Variants in AUTS2 observed in about 807,000 individuals in gnomAD.
AUTS2 encodes the protein autism susceptibility gene 2 protein.
Under a neutral mutation model 112.4 loss-of-function variants are expected in AUTS2, and 17 were observed. The ratio of observed to expected loss-of-function variants is 0.15; its 90% confidence interval spans 0.10 to 0.23. AUTS2 has a LOEUF of 0.23. Ranked by LOEUF, AUTS2 falls within the 10% of genes least tolerant of loss-of-function variation. The pLI is 1.00. For missense variants in AUTS2, 1,510 were observed against 1,701.6 expected, an observed-to-expected ratio of 0.89 and a Z score of 1.98; for synonymous variants, 751 against 702.7, an observed-to-expected ratio of 1.07 and a Z score of -1.09.
At chr7:69,915,624 T>C (rs146106466) in intron 2 of AUTS2, among the ~76,000 whole-genome samples, 3 of 152,380 alleles carry the variant, frequency 2.0e-5, no homozygotes, top group African/African-American at 7.2e-5. Context: ...TGGAACTGTT[T>C]ATGATAAATA....
intron 4 of AUTS2, among the ~76,000 whole-genome samples, chr7:70,224,662 G>C (rs1478646100): frequency 6.6e-6 from 1 of 152,054 alleles, no homozygotes; most frequent in Non-Finnish European, 1.5e-5. Flanking sequence ...TAATGTCCTA[G>C]GCCTTCACAT....
chr7:70,596,234 G>A (rs1803200197), intron 5 of AUTS2: 1 of 152,532 alleles, frequency 6.6e-6, no homozygotes, highest in Admixed American at 6.5e-5. Flanking sequence ...GCCGCGGGTA[G>A]ATCGCTCGCG....
In AUTS2 at chr7:69,599,721, A is replaced by G. The variant is rs1792262777; in HGVS notation, c.68A>G (p.Glu23Gly). 1.4e-5 allele frequency: 19 copies of G among 1,325,076 alleles called. No homozygotes were observed. The highest frequency in any genetic ancestry group is 1.8e-5 in the Non-Finnish European group (19 of 1,042,866). The allele number at this position is 1,325,076 out of a possible 1,614,324, so 82.1% of individuals were successfully genotyped here. A position where few individuals can be genotyped will look rare whatever the true frequency, so the allele number is the denominator to read the frequency against. Residue 23 changes from glutamate to glycine, a missense_variant, in exon 1 of 19, where the codon GAG becomes GGG. Coordinates refer to ENST00000342771, the MANE Select transcript of AUTS2 (RefSeq NM_015570.4). The surrounding 1 kb of genome is among the most constrained non-coding windows in gnomAD (Gnocchi z 7.0). ...CGGTCGCGGTCGCAGCGAGACCGGGAGAGGCGCTCCCGGGGCGGGCTGGGG... is the reference window on the plus strand; with the variant it reads ...CGGTCGCGGTCGCAGCGAGACCGGGGGAGGCGCTCCCGGGGCGGGCTGGGG... ...KRRSRSQRDRERRSRGGLGAG... is the reference protein window; with the variant it reads ...KRRSRSQRDRGRRSRGGLGAG...
intron 4 of AUTS2, among the ~76,000 whole-genome samples, chr7:70,221,236 A>G (rs747881472): frequency 6.6e-6 from 1 of 152,188 alleles, no homozygotes; most frequent in Non-Finnish European, 1.5e-5. Context: ...CCTTCTGTCT[A>G]TTCATTAATC....
chr7:69,974,371 T>G (rs1357686962), intron 2 of AUTS2, among the ~76,000 whole-genome samples: 2 of 150,864 alleles, frequency 1.3e-5, no homozygotes, highest in East Asian at 3.9e-4. Flanking sequence ...AGAACAAGTT[T>G]TGTGTTCCAT....
chr7:70,464,351 C>T (rs926251667), intron 5 of AUTS2, among the ~76,000 whole-genome samples: 3 of 152,334 alleles, frequency 2.0e-5, no homozygotes, highest in African/African-American at 4.8e-5. Context: ...CTCAGAGCAA[C>T]GTACAATCAA....
intron 4 of AUTS2, among the ~76,000 whole-genome samples, chr7:70,367,643 A>G: frequency 6.6e-6 from 1 of 152,144 alleles, no homozygotes; most frequent in Non-Finnish European, 1.5e-5. Flanking sequence ...GGGAATGTTC[A>G]CTAATGATGG....
intron 2 of AUTS2, among the ~76,000 whole-genome samples, chr7:69,915,931 C>A (rs1313236076): frequency 6.6e-6 from 1 of 152,176 alleles, no homozygotes; most frequent in Non-Finnish European, 1.5e-5. Flanking sequence ...GGTGCCCAGG[C>A]TGGTCTCGAG....
intron 4 of AUTS2, among the ~76,000 whole-genome samples, chr7:70,310,367 T>C (rs1364115078): frequency 6.6e-6 from 1 of 151,990 alleles, no homozygotes; most frequent in Non-Finnish European, 1.5e-5. Context: ...TCCCAGCACT[T>C]TGGGAGGCCA....
At chr7:70,134,190 G>C (rs1323659057) in intron 3 of AUTS2, among the ~76,000 whole-genome samples, 1 of 152,166 alleles carries the variant, frequency 6.6e-6, no homozygotes, top group Non-Finnish European at 1.5e-5. Context: ...ATGTCAGCAA[G>C]TCAGGGAGGC....
chr7:70,785,887 C>T, intron 16 of AUTS2, 68 bp from the exon 17 acceptor site: 1 of 1,494,458 alleles, frequency 6.7e-7, no homozygotes, highest in Non-Finnish European at 9.3e-7. Flanking sequence ...GCCCTGCTCC[C>T]AGGAAGCTCT....
chr7:70,548,429 C>G (rs796986425), intron 5 of AUTS2, among the ~76,000 whole-genome samples: 5 of 151,974 alleles, frequency 3.3e-5, no homozygotes, highest in African/African-American at 1.2e-4. Context: ...TGTTGAAGTC[C>G]AGTTTATCAG....
In AUTS2 at chr7:70,164,507, A is replaced by G. The variant is rs543971653; in HGVS notation, c.660+29936A>G. 9.2e-5 allele frequency among the ~76,000 whole-genome samples: 14 copies of G among 152,220 alleles called. 1 individual carries two copies. The highest frequency in any genetic ancestry group is 3.4e-4 in the African/African-American group (14 of 41,528). On this transcript the variant is annotated intron_variant, in intron 4 of 18. Coordinates refer to ENST00000342771, the MANE Select transcript of AUTS2 (RefSeq NM_015570.4). ...AAGGAGTACTGGTCAGGTATTTTAG[A>G]GAATGTTCTTCGATTGGTTGGATTA...
At chr7:69,621,614 TA>T (rs1480626862) in intron 1 of AUTS2, among the ~76,000 whole-genome samples, 1 of 151,968 alleles carries the variant, frequency 6.6e-6, no homozygotes, top group Non-Finnish European at 1.5e-5. Flanking sequence ...AAAAATATTT[TA>T]AACTAACTGA....
chr7:70,789,266 C>T (rs1359475631), intron 18 of AUTS2, among the ~76,000 whole-genome samples: 1 of 152,196 alleles, frequency 6.6e-6, no homozygotes, highest in Non-Finnish European at 1.5e-5. Flanking sequence ...TTCTGTGACA[C>T]TGATGTTGAA....
chr7:70,172,142 T>C (rs768190433), intron 4 of AUTS2, among the ~76,000 whole-genome samples: 6 of 152,118 alleles, frequency 3.9e-5, no homozygotes, highest in Non-Finnish European at 8.8e-5. Context: ...ACACTGACAA[T>C]ATTGAAAGCT....
At chr7:70,045,294 C>T (rs1410206253) in intron 2 of AUTS2, among the ~76,000 whole-genome samples, 3 of 152,112 alleles carry the variant, frequency 2.0e-5, no homozygotes, top group South Asian at 2.1e-4. Context: ...ACACTAGCCA[C>T]ATGCAACTGT....
chr7:70,626,854 T>C (rs1395381772), intron 5 of AUTS2, among the ~76,000 whole-genome samples: 1 of 152,230 alleles, frequency 6.6e-6, no homozygotes, highest in Non-Finnish European at 1.5e-5. Context: ...TTTGTTGCTT[T>C]TTCTGGCTGC....
At chr7:69,756,374 G>A (rs549560609) in intron 1 of AUTS2, among the ~76,000 whole-genome samples, 3 of 152,314 alleles carry the variant, frequency 2.0e-5, no homozygotes, top group Admixed American at 2.0e-4. Flanking sequence ...ATATCAGCAA[G>A]CAAAATATTG....
Sources: gnomAD v4.1 joint callset for allele counts (sites outside exome capture counted in the v4.1 genomes callset) on GRCh38, gnomAD v4.1.1 for gene constraint, Gnocchi (gnomAD v3.1) non-coding constraint, MANE v1.5 for transcripts, NCBI Gene and HGNC (gene_info 2026-07-23, HGNC 2026-07-21) for gene names.